SV2C: variants seen among roughly 807,000 people sequenced by gnomAD.
SV2C encodes the protein synaptic vesicle glycoprotein 2C, also known as solute carrier family 22 member B3.
In SV2C, 49 loss-of-function variants were observed where a neutral mutation model predicts 79.7. That is an observed-to-expected ratio of 0.61 (90% CI 0.49 to 0.78). The LOEUF (loss-of-function observed/expected upper bound fraction) is 0.78. Among genes scored for constraint, SV2C ranks in the 30% least tolerant of loss-of-function variants. The pLI, the probability that SV2C is intolerant of heterozygous loss-of-function variation, is 0.00. For synonymous variants in SV2C, 334 were observed against 333.2 expected (o/e 1.00, Z -0.03); for missense variants, 833 against 912.9 (o/e 0.91, Z 1.13).
the SV2C span, among the ~76,000 whole-genome samples, chr5:76,054,534 G>A: frequency 6.6e-6 from 1 of 152,202 alleles, no homozygotes; most frequent in Non-Finnish European, 1.5e-5. Context: ...GAGTCAAACA[G>A]TATTTCTGGT....
intron 4 of SV2C, among the ~76,000 whole-genome samples, chr5:76,255,286 ATCTG>A (rs1746230465): frequency 6.6e-6 from 1 of 152,210 alleles, no homozygotes. Context: ...ACTCTTTTGA[ATCTG>A]TCTGTTTTCC....
chr5:76,204,177 T>C (rs1242156840), intron 3 of SV2C, among the ~76,000 whole-genome samples: 1 of 152,212 alleles, frequency 6.6e-6, no homozygotes, highest in Non-Finnish European at 1.5e-5. Flanking sequence ...TATTTCTGGG[T>C]CCAATTTATA....
At chr5:76,291,734 T>C in intron 7 of SV2C, 34 bp from the exon 8 acceptor site, 2 of 1,516,116 alleles carry the variant, frequency 1.3e-6, no homozygotes, top group Non-Finnish European at 1.8e-6. Context: ...ACTAAGTAAC[T>C]GCATGAGAAA....
At chr5:76,224,025 C>G (rs141697305) in intron 4 of SV2C, among the ~76,000 whole-genome samples, 44 of 152,202 alleles carry the variant, frequency 2.9e-4, no homozygotes, top group African/African-American at 1.0e-3. Context: ...TAATTACCTC[C>G]CAAAGACCCT....
intron 12 of SV2C, among the ~76,000 whole-genome samples, chr5:76,323,571 A>G (rs1748896193): frequency 6.6e-6 from 1 of 152,230 alleles, no homozygotes; most frequent in Admixed American, 6.5e-5. Flanking sequence ...ATTCTACTAT[A>G]AAGACACATA....
intron 4 of SV2C, among the ~76,000 whole-genome samples, chr5:76,237,554 T>C (rs1745648999): frequency 6.6e-6 from 1 of 152,218 alleles, no homozygotes; most frequent in Non-Finnish European, 1.5e-5. Context: ...TTCTGACTTA[T>C]ACCTTCTTTT....
intron 2 of SV2C, among the ~76,000 whole-genome samples, chr5:76,183,754 C>T (rs1743824362): frequency 6.6e-6 from 1 of 152,154 alleles, no homozygotes; most frequent in Admixed American, 6.5e-5. Flanking sequence ...TGCTCTGACA[C>T]ACTTCCAAAC....
At chr5:76,252,157 T>C (rs1746135292) in intron 4 of SV2C, among the ~76,000 whole-genome samples, 1 of 152,216 alleles carries the variant, frequency 6.6e-6, no homozygotes. Flanking sequence ...TCTCACTTTG[T>C]CTCCCAGACT....
At chr5:76,276,659 C>G (rs1747031840) in intron 4 of SV2C, among the ~76,000 whole-genome samples, 1 of 143,792 alleles carries the variant, frequency 7.0e-6, no homozygotes. Flanking sequence ...TTTTTTGAGA[C>G]AGCATCTCAC....
At chr5:76,058,159 A>T in the SV2C span, among the ~76,000 whole-genome samples, 1 of 152,116 alleles carries the variant, frequency 6.6e-6, no homozygotes, top group Non-Finnish European at 1.5e-5. Context: ...GCAGACAGAA[A>T]ATTGGCTATG....
chr5:76,258,799 A>G (rs1372708055), intron 4 of SV2C, among the ~76,000 whole-genome samples: 1 of 152,214 alleles, frequency 6.6e-6, no homozygotes, highest in Non-Finnish European at 1.5e-5. Context: ...GAACATTCCC[A>G]TCACCCGTAT....
chr5:76,266,714 A>G (rs1223183124), intron 4 of SV2C, among the ~76,000 whole-genome samples: 1 of 152,156 alleles, frequency 6.6e-6, no homozygotes, highest in Non-Finnish European at 1.5e-5. Flanking sequence ...GGGATGATGG[A>G]AATAGTTCTG....
the SV2C span, among the ~76,000 whole-genome samples, chr5:75,861,288 A>G: frequency 2.0e-5 from 3 of 152,172 alleles, no homozygotes; most frequent in Admixed American, 1.3e-4. Context: ...TATCCCACCA[A>G]TCAGTATAGC....
the SV2C span, among the ~76,000 whole-genome samples, chr5:76,060,684 G>T: frequency 6.6e-6 from 1 of 152,002 alleles, no homozygotes; most frequent in East Asian, 1.9e-4. Context: ...CAGCAATAAG[G>T]CTGCTTTGCT....
chr5:76,225,348 C>G (rs949867387), intron 4 of SV2C, among the ~76,000 whole-genome samples: 1 of 152,182 alleles, frequency 6.6e-6, no homozygotes, highest in African/African-American at 2.4e-5. Context: ...ATGCTCAGCC[C>G]TCAAGGAGCT....
intron 1 of SV2C, among the ~76,000 whole-genome samples, chr5:76,120,956 A>G (rs1227596948): frequency 6.6e-5 from 10 of 151,260 alleles, no homozygotes; most frequent in Non-Finnish European, 1.2e-4. Context: ...AACTTCCACA[A>G]TGGTTGAACT....
At chr5:76,205,208 G>A (rs769518952) in intron 3 of SV2C, among the ~76,000 whole-genome samples, 1 of 151,730 alleles carries the variant, frequency 6.6e-6, no homozygotes, top group Non-Finnish European at 1.5e-5. Context: ...TGTGCATTGG[G>A]GAGATTCTGA....
intron 2 of SV2C, among the ~76,000 whole-genome samples, chr5:76,149,963 T>C (rs1204983762): frequency 6.6e-6 from 1 of 152,202 alleles, no homozygotes; most frequent in Non-Finnish European, 1.5e-5. Context: ...TAAATGGTTT[T>C]ATTGAGAGTA....
rs1027903964 is a variant in SV2C, at chr5:76,191,022, G to A, written c.581-3897G>A. Among the ~76,000 whole-genome samples the A allele has an allele frequency of 5.9e-5, 8 of 134,930 alleles. No homozygotes were observed. In the South Asian group the frequency reaches 9.0e-4, roughly 15 times the overall value. 88.5% of individuals were successfully genotyped at this position (134,930 alleles called of 152,430 possible). ...ACTGCTGTAAAGAAATACGTGAGAC[G>A]GACTAATTTATAAAGAAGAGAGGTT... is the stretch of plus-strand genomic sequence containing the variant. On this transcript the variant is annotated intron_variant, in intron 2 of 12. Transcript: ENST00000502798.
Sources: allele counts gnomAD v4.1 joint callset (sites outside exome capture counted in the v4.1 genomes callset), GRCh38; gene constraint gnomAD v4.1.1; transcripts MANE v1.5; gene names NCBI Gene and HGNC (gene_info 2026-07-23, HGNC 2026-07-21).